Variants in DDAH1 observed in about 807,000 individuals in gnomAD.
DDAH1 encodes the protein N(G),N(G)-dimethylarginine dimethylaminohydrolase 1.
DDAH1 carries 19 observed loss-of-function variants against 28.8 expected under a neutral mutation model. That is an observed-to-expected ratio of 0.66 (90% confidence interval 0.46 to 0.97). DDAH1 has a LOEUF of 0.97. Among genes scored for constraint, DDAH1 ranks in the 50% least tolerant of loss-of-function variants. DDAH1 has a pLI of 0.00. For missense variants in DDAH1, 326 were observed against 375.9 expected (o/e 0.87, Z 1.10); for synonymous variants, 153 against 154.4 (o/e 0.99, Z 0.07).
rs535775132 is a variant in DDAH1, at chr1:85,464,036, G to C, written c.303+707C>G. ...AAAAATATAGAGAATAAAAATTATG[G>C]AATTTGTGAAACAACCATCTCTAAT... is the stretch of plus-strand genomic sequence containing the variant. On this transcript the variant is annotated intron_variant, in intron 1 of 5. Transcript: ENST00000284031. This position sits in a 1 kb window ranked among gnomAD's most constrained non-coding sequence, Gnocchi z 4.4. 4.6e-5 allele frequency among the ~76,000 whole-genome samples: 7 copies of C among 152,150 alleles called. No homozygotes were observed. The highest frequency in any genetic ancestry group is 7.3e-5 in the Non-Finnish European group (5 of 68,032).
rs150789034 is a variant in DDAH1, at chr1:85,392,034, T to C, written c.304-33187A>G. Among the ~76,000 whole-genome samples the C allele has an allele frequency of 6.2e-3, 937 of 152,246 alleles. 9 individuals carry two copies. Among genetic ancestry groups the C allele is most frequent in the African/African-American group, 0.022 (908 of 41,530 alleles). On this transcript the variant is annotated intron_variant, in intron 1 of 5. Coordinates refer to ENST00000284031, the MANE Select transcript of DDAH1 (RefSeq NM_012137.4). The stretch of plus-strand genomic sequence containing the variant: ...TCAATAGGTTTTGGGGAACAGGTGG[T>C]GTTTGGTTACATGAATAAGTTCTTT...
At chr1:85,413,350 T>C (rs559364685) in intron 1 of DDAH1, among the ~76,000 whole-genome samples, 57 of 152,354 alleles carry the variant, frequency 3.7e-4, no homozygotes, top group Non-Finnish European at 7.1e-4. Flanking sequence ...TTTGGATTCC[T>C]GTGTGTTGTG....
chr1:85,461,824 G>T (rs1224781602), intron 1 of DDAH1, among the ~76,000 whole-genome samples: 2 of 152,170 alleles, frequency 1.3e-5, no homozygotes, highest in Admixed American at 6.5e-5. Context: ...ATAAAAGGAA[G>T]TTTATAGCGT....
intron 1 of DDAH1, among the ~76,000 whole-genome samples, chr1:85,401,163 C>G (rs1652084527): frequency 6.6e-6 from 1 of 152,170 alleles, no homozygotes; most frequent in African/African-American, 2.4e-5. Flanking sequence ...TCAAATGTAG[C>G]TTTCATAATA....
At chr1:85,432,261 T>C (rs1441868100) in intron 1 of DDAH1, among the ~76,000 whole-genome samples, 1 of 152,136 alleles carries the variant, frequency 6.6e-6, no homozygotes, top group Non-Finnish European at 1.5e-5. Flanking sequence ...TGTGGCCTCT[T>C]CATCTCCCAT....
intron 1 of DDAH1, among the ~76,000 whole-genome samples, chr1:85,555,589 T>C (rs574611532): frequency 2.6e-5 from 4 of 152,296 alleles, no homozygotes; most frequent in South Asian, 2.1e-4. Context: ...ATCTAAGATA[T>C]AAATTTCTTC....
intron 1 of DDAH1, among the ~76,000 whole-genome samples, chr1:85,457,719 C>T (rs1239168608): frequency 1.3e-5 from 2 of 152,184 alleles, no homozygotes; most frequent in Admixed American, 6.5e-5. Context: ...GACGGAGTTT[C>T]GCTCTTGTTG....
intron 5 of DDAH1, among the ~76,000 whole-genome samples, chr1:85,324,299 T>TAATAAA (rs1363681922): frequency 7.0e-6 from 1 of 143,298 alleles, no homozygotes; most frequent in Admixed American, 7.1e-5. Flanking sequence ...ATAATAATAA[T>TAATAAA]AAATAAAAAA....
At chr1:85,511,608 C>A (rs1557707964) in intron 1 of DDAH1, among the ~76,000 whole-genome samples, 1 of 151,896 alleles carries the variant, frequency 6.6e-6, no homozygotes, top group African/African-American at 2.4e-5. Flanking sequence ...ACTAGCAAGA[C>A]TAATAAAGAA....
Position 85,464,874 on chromosome 1 carries a change from G to C in DDAH1, c.172C>G (p.Leu58Val). 1 of 1,583,982 alleles carries C rather than the reference G, an allele frequency of 6.3e-7. No homozygotes were observed. The highest frequency in any genetic ancestry group is 8.5e-7 in the Non-Finnish European group (1 of 1,173,862). Reference protein sequence around the residue: ...QLYVGVLGSKLGLQVVELPAD... With the variant: ...QLYVGVLGSKVGLQVVELPAD... ...GGCAGCTCCACCACCTGCAGCCCCA[G>C]CTTGCTGCCCAGCACGCCCACGTAG... Residue 58 changes from leucine (L) to valine (V), a missense_variant, in exon 1 of 6, where the codon CTG becomes GTG. By Grantham distance (32) the Leu-to-Val change is conservative. Transcript: ENST00000284031. This position sits in a 1 kb window ranked among gnomAD's most constrained non-coding sequence, Gnocchi z 4.4.
At chr1:85,326,811 G>A (rs1184526503) in intron 4 of DDAH1, among the ~76,000 whole-genome samples, 1 of 152,106 alleles carries the variant, frequency 6.6e-6, no homozygotes, top group Non-Finnish European at 1.5e-5. Context: ...CTATGGAGTG[G>A]GTCTTTCTTT....
intron 4 of DDAH1, among the ~76,000 whole-genome samples, chr1:85,325,520 G>T (rs1647332935): frequency 6.6e-6 from 1 of 151,820 alleles, no homozygotes; most frequent in Non-Finnish European, 1.5e-5. Flanking sequence ...AGCTGGTTTG[G>T]CAGATTTTGG....
intron 4 of DDAH1, among the ~76,000 whole-genome samples, chr1:85,339,801 A>T (rs1648359845): frequency 6.6e-6 from 1 of 152,120 alleles, no homozygotes; most frequent in Non-Finnish European, 1.5e-5. Flanking sequence ...AATACATGTG[A>T]TTTCCACAGA....
intron 1 of DDAH1, among the ~76,000 whole-genome samples, chr1:85,504,245 A>G (rs1181468384): frequency 6.6e-6 from 1 of 152,206 alleles, no homozygotes; most frequent in East Asian, 1.9e-4. Context: ...CCCACTGTAC[A>G]GGATACTGGA....
chr1:85,391,176 A>G (rs923833293), intron 1 of DDAH1, among the ~76,000 whole-genome samples: 4 of 152,196 alleles, frequency 2.6e-5, no homozygotes, highest in Non-Finnish European at 1.5e-5. Context: ...ACACAATTAA[A>G]TGCTTTCTTT....
At chr1:85,358,897 GA>G in intron 1 of DDAH1, 50 bp from the exon 2 acceptor site, 4 of 1,381,022 alleles carry the variant, frequency 2.9e-6, no homozygotes, top group Non-Finnish European at 1.0e-6. Flanking sequence ...TTCCTAACAA[GA>G]AAAAAACATC....
At chr1:85,472,774 A>G (rs1655663360) in intron 2 of DDAH1, among the ~76,000 whole-genome samples, 2 of 152,122 alleles carry the variant, frequency 1.3e-5, no homozygotes, top group Non-Finnish European at 1.5e-5. Context: ...TGACATGGAT[A>G]TGTTGCATAA....
chr1:85,513,331 A>G (rs183380045), intron 1 of DDAH1, among the ~76,000 whole-genome samples: 3 of 152,334 alleles, frequency 2.0e-5, no homozygotes, highest in African/African-American at 4.8e-5. Context: ...CCTTCCTTAT[A>G]CCTTATACAA....
intron 1 of DDAH1, among the ~76,000 whole-genome samples, chr1:85,567,022 G>A (rs1216868527): frequency 6.6e-6 from 1 of 152,162 alleles, no homozygotes; most frequent in Non-Finnish European, 1.5e-5. Context: ...CAGCTCAAAG[G>A]TAATCAGGCA....
Sources: gnomAD v4.1 joint callset for allele counts (sites outside exome capture counted in the v4.1 genomes callset) on GRCh38, gnomAD v4.1.1 for gene constraint, Gnocchi (gnomAD v3.1) non-coding constraint, MANE v1.5 for transcripts, NCBI Gene and HGNC (gene_info 2026-07-23, HGNC 2026-07-21) for gene names.